The following NR5A1 variants were observed in gnomAD, a reference collection of about 807,000 sequenced individuals.
NR5A1 encodes the protein nuclear receptor subfamily 5 group A member 1, also known as steroidogenic factor 1.
Under a neutral mutation model 42.7 loss-of-function variants are expected in NR5A1, and 6 were observed. The observed-to-expected ratio is 0.14, with a 90% CI of 0.08 to 0.28. NR5A1 has a LOEUF of 0.28. NR5A1 is among the 10% of genes least tolerant of loss of function. NR5A1 has a pLI of 1.00. For missense variants in NR5A1, 442 were observed against 626.4 expected, an observed-to-expected ratio of 0.71 and a Z score of 3.14; for synonymous variants, 274 against 277.5, an observed-to-expected ratio of 0.99 and a Z score of 0.12.
At chr9:124,493,526 A>C (rs1249344543) in intron 4 of NR5A1, among the ~76,000 whole-genome samples, 1 of 152,226 alleles carries the variant, frequency 6.6e-6, no homozygotes, top group Non-Finnish European at 1.5e-5. Flanking sequence ...GGTGCTCTGC[A>C]AAGGACTCCT....
chr9:124,485,653 T>A (rs1832196700), intron 6 of NR5A1, among the ~76,000 whole-genome samples: 1 of 152,198 alleles, frequency 6.6e-6, no homozygotes. Context: ...AAGTTCCCCG[T>A]TGTCCAGAGA....
rs1452266877 is a variant in NR5A1 at position 124,493,146 on chromosome 9, C to T, written c.874G>A (p.Ala292Thr). 2 of 1,610,752 alleles carry T rather than the reference C, an allele frequency of 1.2e-6. No individual in the cohort carries two copies. Among genetic ancestry groups the T allele is most frequent in the South Asian group, 1.1e-5 (1 of 90,960 alleles). Residue 292 changes from alanine to threonine, a missense_variant, in exon 5 of 7, where the codon GCC becomes ACC. By Grantham distance (58) the Ala-to-Thr change is moderately conservative (BLOSUM62 0). This residue lies in a region of NR5A1 where 163 missense variants were observed against 265.8 expected (regional missense o/e 0.61). Coordinates refer to ENST00000373588, the MANE Select transcript of NR5A1 (RefSeq NM_004959.5). ...TTCTGCAGCAGCGTCATCTGGTCGG[C>T]CACCTGGAAGGAAGAGGCACGCGGG... Reference protein sequence around the residue: ...RCMVFKELEVADQMTLLQNCW... With the variant: ...RCMVFKELEVTDQMTLLQNCW...
chr9:124,504,996 G>C (rs550502597), intron 1 of NR5A1, among the ~76,000 whole-genome samples: 4 of 151,266 alleles, frequency 2.6e-5, no homozygotes, highest in South Asian at 2.1e-4. Flanking sequence ...CCGCCGCGCC[G>C]GGGCCGGGGG....
At chr9:124,507,010 A>T (rs1170093129) in intron 1 of NR5A1, 1 of 152,664 alleles carries the variant, frequency 6.6e-6, no homozygotes, top group Non-Finnish European at 1.5e-5. Flanking sequence ...AGACAGCGGG[A>T]CACCAGCGGA....
chr9:124,493,361 T>C (rs1832344957), intron 4 of NR5A1, among the ~76,000 whole-genome samples: 1 of 152,198 alleles, frequency 6.6e-6, no homozygotes, highest in South Asian at 2.1e-4. Context: ...TGGGCCAGGC[T>C]TCAGGCCCCA....
At chr9:124,486,124 AAGG>A (rs1472365633) in intron 6 of NR5A1, among the ~76,000 whole-genome samples, 14 of 152,166 alleles carry the variant, frequency 9.2e-5, no homozygotes, top group Non-Finnish European at 1.2e-4. Flanking sequence ...GTGGGTGCAG[AAGG>A]AGGACAGGTT....
At position 124,493,833 on chromosome 9, in the gene NR5A1, C is replaced by T. The variant is rs1031530158; in HGVS notation, c.871-684G>A. 3.9e-5 allele frequency among the ~76,000 whole-genome samples: 6 copies of T among 152,194 alleles called. No individual in the cohort carries two copies. In the East Asian group the frequency reaches 5.8e-4, roughly 15 times the overall value. ...TGCCCAGGCTGCGGCCAGAGACACT[C>T]GGTGCAGGGGCAGGGCCAGCCCCTG... On this transcript the variant is annotated intron_variant, in intron 4 of 6. Coordinates refer to ENST00000373588, the MANE Select transcript of NR5A1 (RefSeq NM_004959.5).
At position 124,503,088 on chromosome 9, in the gene NR5A1, G is replaced by C; in HGVS notation, c.235C>G (p.Arg79Gly). The C allele has an allele frequency of 6.3e-7, 1 of 1,582,040 alleles. No individual in the cohort carries two copies. The highest frequency in any genetic ancestry group is 8.6e-7 in the Non-Finnish European group (1 of 1,166,770). The change falls in exon 3 of 7, where the codon CGC becomes GGC. Residue 79 changes from arginine to glycine, a missense_variant. By Grantham distance (125) the Arg-to-Gly change is moderately radical. Around this residue, in one of 3 missense-constraint regions of NR5A1, gnomAD observed 71 missense variants for 156.8 expected, o/e 0.45. Transcript: ENST00000373588. This position sits in a 1 kb window ranked among gnomAD's most constrained non-coding sequence, Gnocchi z 9.6. The part of the protein sequence containing the change: ...RFQKCLTVGM[R>G]LEAVRADRMR... ...CCCGCGCGGCGCGCACCTTCCAGGC[G>C]CATCCCCACCGTCAGGCATTTCTGG...
Position 124,493,164 on chromosome 9 carries a change from C to T in NR5A1, c.871-15G>A, listed in dbSNP as rs928431554. ...TGGTCGGCCACCTGGAAGGAAGAGG[C>T]ACGCGGGGGGCCGGGCTCCAGCCAG... On this transcript the variant is annotated splice_polypyrimidine_tract_variant and intron_variant, in intron 4 of 6. Coordinates refer to ENST00000373588, the MANE Select transcript of NR5A1 (RefSeq NM_004959.5). The T allele has an allele frequency of 1.9e-6, 3 of 1,608,446 alleles. No homozygotes were observed. The highest frequency in any genetic ancestry group is 1.3e-5 in the African/African-American group (1 of 74,998).
At chr9:124,492,957 CG>C in intron 5 of NR5A1, 72 bp downstream of exon 5, 1 of 1,475,836 alleles carries the variant, frequency 6.8e-7, no homozygotes. Context: ...TCCTCCTCTC[CG>C]GGGCCCTGAA....
rs180781173 is a variant in NR5A1, at chr9:124,498,726, G to A, written c.870+1364C>T. ...TCCATTAGGTCGGACCAGAGAGGCG[G>A]GCAGTGTTGAGAAGGGGCTGGGGTG... is the stretch of plus-strand genomic sequence containing the variant. On this transcript the variant is annotated intron_variant, in intron 4 of 6. Coordinates refer to ENST00000373588, the MANE Select transcript of NR5A1 (RefSeq NM_004959.5). This position sits in a 1 kb window ranked among gnomAD's most constrained non-coding sequence, Gnocchi z 4.6. 1.3e-5 allele frequency among the ~76,000 whole-genome samples: 2 copies of A among 152,206 alleles called. No individual in the cohort carries two copies. Among genetic ancestry groups the A allele is most frequent in the Non-Finnish European group, 2.9e-5 (2 of 68,028 alleles).
At chr9:124,491,021 A>ACCCCC in intron 6 of NR5A1, 60 bp downstream of exon 6, 4 of 237,394 alleles carry the variant, frequency 1.7e-5, no homozygotes, top group Non-Finnish European at 3.1e-5. Context: ...AGCCTCACCC[A>ACCCCC]CCCTCCCACC....
chr9:124,493,135 C>T lies in NR5A1; in HGVS notation c.885G>A (p.Met295Ile). ...CGCTCCAGCAGTTCTGCAGCAGCGT[C>T]ATCTGGTCGGCCACCTGGAAGGAAG... ...VFKELEVADQ[M>I]TLLQNCWSEL... The change falls in exon 5 of 7, where the codon ATG (methionine) becomes ATA (isoleucine). Residue 295 changes from methionine to isoleucine, a missense_variant. Around this residue, in one of 3 missense-constraint regions of NR5A1, gnomAD observed 163 missense variants for 265.8 expected, o/e 0.61. Coordinates refer to ENST00000373588, the MANE Select transcript of NR5A1 (RefSeq NM_004959.5). The T allele has an allele frequency of 2.5e-6, 4 of 1,611,502 alleles. No homozygotes were observed. The highest frequency in any genetic ancestry group is 3.4e-6 in the Non-Finnish European group (4 of 1,179,014).
chr9:124,491,220 C>T lies in NR5A1; in HGVS notation c.999G>A (p.Leu333=). 3 of 1,603,302 alleles carry T rather than the reference C, an allele frequency of 1.9e-6. No individual in the cohort carries two copies. The highest frequency in any genetic ancestry group is 8.5e-7 in the Non-Finnish European group (1 of 1,174,626). The change falls in exon 6 of 7, where the codon CTG becomes CTA. Residue 333 remains leucine (L), a synonymous_variant. Transcript: ENST00000373588. The part of the protein sequence containing the change: ...ILLVTGQEVE[L]TTVATQAGSL... ...AGCCCGCCTGGGTGGCCACTGTGGTCAGCTCCACCTGGGGGCAGAGGGCAC... is the reference window on the plus strand; with the variant it reads ...AGCCCGCCTGGGTGGCCACTGTGGTTAGCTCCACCTGGGGGCAGAGGGCAC...
At chr9:124,506,784 G>A (rs1191890561) in intron 1 of NR5A1, among the ~76,000 whole-genome samples, 1 of 152,210 alleles carries the variant, frequency 6.6e-6, no homozygotes, top group East Asian at 1.9e-4. Context: ...ACCCACCCAG[G>A]GAGGGAAGCC....
rs2131290141 is a variant in NR5A1, at chr9:124,503,471, G to A, written c.-15-61C>T. 7.1e-7 allele frequency: 1 copy of A among 1,402,866 alleles called. No homozygotes were observed. The highest frequency in any genetic ancestry group is 2.6e-5 in the East Asian group (1 of 38,656). 86.9% of individuals were successfully genotyped at this position (1,402,866 alleles called of 1,614,324 possible). A position where few individuals can be genotyped will look rare whatever the true frequency, so the allele number is the denominator to read the frequency against. On this transcript the variant is annotated intron_variant, in intron 1 of 6. Transcript: ENST00000373588. The surrounding 1 kb of genome is among the most constrained non-coding windows in gnomAD (Gnocchi z 9.6). The stretch of plus-strand genomic sequence containing the variant: ...AGACCGGCAGCCTGGGGTCCCCGCG[G>A]CCGCCGCCCCAGCCGCTGTCGCCGG...
Position 124,491,114 on chromosome 9 carries a change from C to T in NR5A1, c.1105G>A (p.Val369Ile), listed in dbSNP as rs1832300347. Residue 369 changes from valine to isoleucine, a missense_variant, in exon 6 of 7, where the codon GTC becomes ATC. Val to Ile is a conservative substitution (Grantham distance 29). Around this residue, in one of 3 missense-constraint regions of NR5A1, gnomAD observed 163 missense variants for 265.8 expected, o/e 0.61. Transcript: ENST00000373588. ...AAGAGGATGATGAACTTGAGGCAGACAAACTCCTGCCGGTCCAGCTGCAGC... is the reference window on the plus strand; with the variant it reads ...AAGAGGATGATGAACTTGAGGCAGATAAACTCCTGCCGGTCCAGCTGCAGC... ...LALQLDRQEF[V>I]CLKFIILFSL... The T allele has an allele frequency of 6.2e-7, 1 of 1,600,942 alleles. No individual in the cohort carries two copies. Among genetic ancestry groups the T allele is most frequent in the Non-Finnish European group, 8.5e-7 (1 of 1,174,344 alleles).
At chr9:124,504,770 A>G (rs1268650755) in intron 1 of NR5A1, among the ~76,000 whole-genome samples, 2 of 145,088 alleles carry the variant, frequency 1.4e-5, no homozygotes, top group African/African-American at 5.0e-5. Flanking sequence ...GAGGAGCCGC[A>G]CCCGGGCGCA....
At chr9:124,484,753 CTAAATAAATAAATAAA>C (rs56282643) in intron 6 of NR5A1, among the ~76,000 whole-genome samples, 1 of 148,616 alleles carries the variant, frequency 6.7e-6, no homozygotes, top group African/African-American at 2.5e-5. Context: ...GACTCTGTCT[CTAAATAAATAAATAAA>C]TAAATAAATA....
Sources: allele counts gnomAD v4.1 joint callset (sites outside exome capture counted in the v4.1 genomes callset), GRCh38; gene constraint gnomAD v4.1.1; regional missense constraint gnomAD v4.1.1; non-coding constraint Gnocchi (gnomAD v3.1); transcripts MANE v1.5; gene names NCBI Gene and HGNC (gene_info 2026-07-23, HGNC 2026-07-21).